The following ZC3H13 variants were observed in gnomAD, a reference collection of about 807,000 sequenced individuals.
ZC3H13 encodes zinc finger CCCH domain-containing protein 13.
Under a neutral mutation model 204.1 loss-of-function variants are expected in ZC3H13, and 64 were observed. The ratio of observed to expected loss-of-function variants is 0.31; its 90% CI spans 0.26 to 0.39. The LOEUF (loss-of-function observed/expected upper bound fraction) is 0.39. Ranked by LOEUF, ZC3H13 falls within the 10% of genes least tolerant of loss-of-function variation. ZC3H13 has a pLI of 1.00. For missense variants in ZC3H13, 1,833 were observed against 2,082.7 expected (o/e 0.88, Z 2.33); for synonymous variants, 667 against 693.7 (o/e 0.96, Z 0.60).
intron 5 of ZC3H13, among the ~76,000 whole-genome samples, chr13:46,019,195 T>C (rs916066872): frequency 2.0e-5 from 3 of 152,174 alleles, no homozygotes; most frequent in Non-Finnish European, 4.4e-5. Flanking sequence ...TGTTAGTCTA[T>C]TAAGTCTTCA....
Position 45,963,868 on chromosome 13 carries a change from C to A in ZC3H13, c.4649G>T (p.Cys1550Phe). ...SELFAKVKET[C>F]QRLLEKPKDA... ...TTTGGGTTTTTCTAAAAGTCTCTGA[C>A]ATGTTTCTTTGACTTTGGCAAAGAG... The change falls in exon 17 of 19, where the codon TGT becomes TTT. Residue 1550 changes from cysteine (C) to phenylalanine (F), a missense_variant. Coordinates refer to ENST00000679008, the MANE Select transcript of ZC3H13 (RefSeq NM_001330564.2). The A allele has an allele frequency of 6.2e-7, 1 of 1,614,108 alleles. No individual in the cohort carries two copies. Among genetic ancestry groups the A allele is most frequent in the Non-Finnish European group, 8.5e-7 (1 of 1,179,990 alleles).
At chr13:46,020,301 G>T in intron 5 of ZC3H13, 148 bp downstream of exon 5, 1 of 657,720 alleles carries the variant, frequency 1.5e-6, no homozygotes, top group Non-Finnish European at 2.6e-6. Context: ...GCCAGTTTTT[G>T]CCTTATAATT....
chr13:45,985,757 A>ATCT lies in ZC3H13; in HGVS notation c.1259_1260insAGA (p.Thr420_Arg421insAsp). The ATCT allele has an allele frequency of 6.3e-7, 1 of 1,592,244 alleles. No individual in the cohort carries two copies. Among genetic ancestry groups the ATCT allele is most frequent in the Non-Finnish European group, 8.5e-7 (1 of 1,172,918 alleles). ...CCTTTTCTCTGTCTCGTTTGCCCCT[A>ATCT]GTATCTGTAATGCAATTTTGGAAAT... is the stretch of plus-strand genomic sequence containing the variant. On this transcript the variant is annotated inframe_insertion, in exon 10 of 19. Coordinates refer to ENST00000679008, the MANE Select transcript of ZC3H13 (RefSeq NM_001330564.2).
chr13:46,026,037 T>C (rs2042524022), intron 4 of ZC3H13, among the ~76,000 whole-genome samples: 1 of 152,078 alleles, frequency 6.6e-6, no homozygotes, highest in Non-Finnish European at 1.5e-5. Context: ...TATTCACAGA[T>C]CTGCAGTTTC....
chr13:45,987,650 G>A (rs541279612), intron 9 of ZC3H13, among the ~76,000 whole-genome samples: 7 of 152,198 alleles, frequency 4.6e-5, no homozygotes, highest in African/African-American at 1.7e-4. Flanking sequence ...ATTATTGCTT[G>A]CATTGTTGAT....
chr13:45,982,773 A>C (rs1006566152), intron 10 of ZC3H13, among the ~76,000 whole-genome samples: 7 of 152,200 alleles, frequency 4.6e-5, no homozygotes, highest in Non-Finnish European at 1.0e-4. Flanking sequence ...GGATTTTATC[A>C]GTTGCTAGTG....
At chr13:45,986,464 C>T (rs1249841279) in intron 9 of ZC3H13, among the ~76,000 whole-genome samples, 1 of 151,974 alleles carries the variant, frequency 6.6e-6, no homozygotes, top group African/African-American at 2.4e-5. Context: ...GCATTTCATA[C>T]AAAAAAATAA....
chr13:45,980,751 C>T (rs558409838), intron 10 of ZC3H13, among the ~76,000 whole-genome samples: 1 of 151,924 alleles, frequency 6.6e-6, no homozygotes, highest in Non-Finnish European at 1.5e-5. Context: ...GGGTTGGGGC[C>T]AGGGGCCAGG....
At chr13:46,039,827 C>T (rs976727413) in intron 4 of ZC3H13, among the ~76,000 whole-genome samples, 3 of 152,192 alleles carry the variant, frequency 2.0e-5, no homozygotes, top group Admixed American at 6.5e-5. Context: ...CACTTAGCAT[C>T]TCTTCCCAAC....
intron 5 of ZC3H13, among the ~76,000 whole-genome samples, chr13:46,016,187 A>C (rs1382832625): frequency 6.6e-6 from 1 of 152,172 alleles, no homozygotes; most frequent in Non-Finnish European, 1.5e-5. Flanking sequence ...GAACACATTC[A>C]CACTCCACAG....
chr13:45,964,822 A>C lies in ZC3H13; in HGVS notation c.4474+458T>G, dbSNP rs553613847. Among the ~76,000 whole-genome samples the C allele has an allele frequency of 5.7e-4, 86 of 152,200 alleles. 1 individual carries two copies. The highest frequency in any genetic ancestry group is 1.9e-3 in the Admixed American group (29 of 15,270). ...GCAACACACAAAGTACTGTAAGTCA[A>C]AATAATTACCAAATTTAGAAAATTG... is the stretch of plus-strand genomic sequence containing the variant. On this transcript the variant is annotated intron_variant, in intron 16 of 18. Coordinates refer to ENST00000679008, the MANE Select transcript of ZC3H13 (RefSeq NM_001330564.2).
rs960131943 is a variant in ZC3H13, at chr13:45,965,363, G to A, written c.4391C>T (p.Pro1464Leu). 1 of 1,613,318 alleles carries A rather than the reference G, an allele frequency of 6.2e-7. No individual in the cohort carries two copies. The highest frequency in any genetic ancestry group is 1.3e-5 in the African/African-American group (1 of 74,838). ...TTCATCTAGTTCGTCATCACTGATT[G>A]GCTCGTATCCTTCTCCAGCACCAGA... The part of the protein sequence containing the change: ...LGSGAGEGYE[P>L]ISDDELDEIL... The change falls in exon 16 of 19, where the codon CCA becomes CTA. Residue 1464 changes from proline (P) to leucine (L), a missense_variant. Coordinates refer to ENST00000679008, the MANE Select transcript of ZC3H13 (RefSeq NM_001330564.2).
intron 5 of ZC3H13, among the ~76,000 whole-genome samples, chr13:46,018,554 A>G (rs772764824): frequency 6.6e-6 from 1 of 152,134 alleles, no homozygotes; most frequent in Admixed American, 6.6e-5. Context: ...CTTACACAGA[A>G]TAAGAGGGAA....
chr13:46,003,764 C>T lies in ZC3H13; in HGVS notation c.747-428G>A, dbSNP rs532267126. On this transcript the variant is annotated intron_variant, in intron 7 of 18. Coordinates refer to ENST00000679008, the MANE Select transcript of ZC3H13 (RefSeq NM_001330564.2). ...ACTTTTGCCATATATCTTACTTTCT[C>T]TGTCTATTCATTTAAAACTGGGTAT... Among the ~76,000 whole-genome samples the T allele has an allele frequency of 2.0e-5, 3 of 152,234 alleles. No homozygotes were observed. The South Asian group carries it at 6.2e-4, about 32-fold the overall frequency.
chr13:45,994,545 C>A (rs567679997), intron 8 of ZC3H13, among the ~76,000 whole-genome samples: 29 of 152,198 alleles, frequency 1.9e-4, no homozygotes, highest in Non-Finnish European at 3.8e-4. Context: ...ACTTATTCAA[C>A]AACATGGCTT....
At chr13:46,029,602 G>C (rs2042760200) in intron 4 of ZC3H13, among the ~76,000 whole-genome samples, 1 of 151,334 alleles carries the variant, frequency 6.6e-6, no homozygotes, top group Non-Finnish European at 1.5e-5. Flanking sequence ...CTAATTTTTT[G>C]TATTTTTAGT....
intron 13 of ZC3H13, 77 bp downstream of exon 13, chr13:45,970,285 C>T: frequency 6.8e-7 from 1 of 1,476,610 alleles, no homozygotes; most frequent in East Asian, 2.3e-5. Flanking sequence ...TTCATCAGTT[C>T]CTACTAGTAT....
chr13:45,967,775 G>C lies in ZC3H13; in HGVS notation c.4050C>G (p.Asp1350Glu). 6.2e-7 allele frequency: 1 copy of C among 1,611,442 alleles called. No individual in the cohort carries two copies. The highest frequency in any genetic ancestry group is 8.5e-7 in the Non-Finnish European group (1 of 1,178,662). Residue 1350 changes from aspartate to glutamate, a missense_variant, in exon 15 of 19, where the codon GAC becomes GAG. This residue lies in a region of ZC3H13 where 1,574 missense variants were observed against 1,757.2 expected (regional missense o/e 0.90). Coordinates refer to ENST00000679008, the MANE Select transcript of ZC3H13 (RefSeq NM_001330564.2). ...TTTCCCTATCCAAGTCTCTCCTTTTGTCTCGTTCTCTCTCTCGTTCTCGTT... is the reference window on the plus strand; with the variant it reads ...TTTCCCTATCCAAGTCTCTCCTTTTCTCTCGTTCTCTCTCTCGTTCTCGTT... ...LRERERERER[D>E]KRRDLDRERE...
intron 17 of ZC3H13, among the ~76,000 whole-genome samples, chr13:45,961,588 T>G (rs1593441658): frequency 2.1e-4 from 21 of 99,162 alleles, no homozygotes; most frequent in Admixed American, 3.3e-4. Context: ...GGGTGGGGAG[T>G]TGGGGGGATG....
Sources: allele counts gnomAD v4.1 joint callset (sites outside exome capture counted in the v4.1 genomes callset), GRCh38; gene constraint gnomAD v4.1.1; regional missense constraint gnomAD v4.1.1; transcripts MANE v1.5; gene names NCBI Gene and HGNC (gene_info 2026-07-23, HGNC 2026-07-21).